The following CACNA2D1 variants were observed in gnomAD, a reference collection of about 807,000 sequenced individuals.
The protein encoded by CACNA2D1 is calcium voltage-gated channel auxiliary subunit alpha2delta 1, also known as voltage-dependent calcium channel subunit alpha-2/delta-1.
A neutral mutation model predicts 171.5 loss-of-function variants in CACNA2D1; 53 were observed. The ratio of observed to expected loss-of-function variants is 0.31; its 90% CI spans 0.25 to 0.39. The LOEUF (loss-of-function observed/expected upper bound fraction) is 0.39. Ranked by LOEUF, CACNA2D1 falls within the 10% of genes least tolerant of loss-of-function variation. CACNA2D1 has a pLI of 1.00. For synonymous variants in CACNA2D1, 442 were observed against 443.1 expected, an observed-to-expected ratio of 1.00 and a Z score of 0.03; for missense variants, 903 against 1,299.8, an observed-to-expected ratio of 0.69 and a Z score of 4.69.
intron 1 of CACNA2D1, among the ~76,000 whole-genome samples, chr7:82,386,305 T>C (rs1824365530): frequency 6.6e-6 from 1 of 152,174 alleles, no homozygotes; most frequent in African/African-American, 2.4e-5. Context: ...CACTTTTACA[T>C]AAAATACAAC....
intron 1 of CACNA2D1, among the ~76,000 whole-genome samples, chr7:82,353,780 C>T (rs1415174909): frequency 1.3e-5 from 2 of 151,964 alleles, no homozygotes; most frequent in Non-Finnish European, 2.9e-5. Context: ...AATCAGTGCT[C>T]CTTTTGGTTT....
intron 5 of CACNA2D1, among the ~76,000 whole-genome samples, chr7:82,126,786 C>T (rs1790377305): frequency 2.0e-5 from 3 of 152,184 alleles, no homozygotes; most frequent in African/African-American, 7.2e-5. Flanking sequence ...ACATTCCTTT[C>T]ATGCTATATA....
intron 3 of CACNA2D1, among the ~76,000 whole-genome samples, chr7:82,323,628 A>T (rs1816275435): frequency 6.6e-6 from 1 of 152,188 alleles, no homozygotes. Context: ...CCTCAAATTT[A>T]CATTTTGTAC....
chr7:82,053,822 G>C (rs1805499794), intron 10 of CACNA2D1, among the ~76,000 whole-genome samples: 1 of 152,100 alleles, frequency 6.6e-6, no homozygotes, highest in African/African-American at 2.4e-5. Context: ...ATACTTCCAG[G>C]TGAAATGTAT....
At position 82,143,220 on chromosome 7, in the gene CACNA2D1, C is replaced by A. The variant is rs78932164; in HGVS notation, c.355-6544G>T. ...AGAAAAAATAAAGATGGACACAAGACCATCTAGAGATAAGTGCTACCATAT... is the reference window on the plus strand; with the variant it reads ...AGAAAAAATAAAGATGGACACAAGAACATCTAGAGATAAGTGCTACCATAT... On this transcript the variant is annotated intron_variant, in intron 4 of 38. Coordinates refer to ENST00000356860, the MANE Select transcript of CACNA2D1 (RefSeq NM_000722.4). 5.1e-3 allele frequency among the ~76,000 whole-genome samples: 781 copies of A among 152,204 alleles called. 5 individuals are homozygous for A. Among genetic ancestry groups the A allele is most frequent in the African/African-American group, 0.018 (732 of 41,548 alleles).
rs567093576 is a variant in CACNA2D1 at position 82,125,762 on chromosome 7, A to C, written c.397-8589T>G. 5.3e-5 allele frequency among the ~76,000 whole-genome samples: 8 copies of C among 152,290 alleles called. No homozygotes were observed. In the East Asian group the frequency reaches 1.5e-3, roughly 29 times the overall value. On this transcript the variant is annotated intron_variant, in intron 5 of 38. Transcript: ENST00000356860. ...ATGAAACCTATAATGATATGAAAAC[A>C]ATCTTCCCCGTTTGTGTTTGCATTT... is the stretch of plus-strand genomic sequence containing the variant.
chr7:82,291,784 C>T (rs951782107), intron 3 of CACNA2D1, among the ~76,000 whole-genome samples: 3 of 150,396 alleles, frequency 2.0e-5, no homozygotes, highest in Non-Finnish European at 4.4e-5. Flanking sequence ...AGATTACAGG[C>T]GTGAGCCACT....
chr7:82,417,315 A>C (rs1343157490), intron 1 of CACNA2D1, among the ~76,000 whole-genome samples: 1 of 152,182 alleles, frequency 6.6e-6, no homozygotes, highest in Non-Finnish European at 1.5e-5. Flanking sequence ...CTCCAGGAAC[A>C]AGGGAAATTT....
chr7:81,978,955 A>G (rs1442547935), intron 24 of CACNA2D1, among the ~76,000 whole-genome samples: 1 of 151,146 alleles, frequency 6.6e-6, no homozygotes. Context: ...CACGTAAGTA[A>G]ATTTCGATCT....
chr7:82,399,972 A>C (rs1826182173), intron 1 of CACNA2D1, among the ~76,000 whole-genome samples: 1 of 152,110 alleles, frequency 6.6e-6, no homozygotes, highest in African/African-American at 2.4e-5. Context: ...AAGCTACTCC[A>C]TTAGGCATTA....
At chr7:82,022,786 G>A (rs1011677674) in intron 12 of CACNA2D1, among the ~76,000 whole-genome samples, 9 of 151,942 alleles carry the variant, frequency 5.9e-5, no homozygotes, top group African/African-American at 1.9e-4. Context: ...AAATAAGTAC[G>A]TTAAGAATAA....
At position 82,290,798 on chromosome 7, in the gene CACNA2D1, G is replaced by T. The variant is rs1403094282; in HGVS notation, c.294+44337C>A. ...TTTAGTAGAGATGGGGTTTCTCCATGTTGGTCAGGCTGGTCTCAAACTCCC... is the reference window on the plus strand; with the variant it reads ...TTTAGTAGAGATGGGGTTTCTCCATTTTGGTCAGGCTGGTCTCAAACTCCC... On this transcript the variant is annotated intron_variant, in intron 3 of 38. Transcript: ENST00000356860. Among the ~76,000 whole-genome samples the T allele has an allele frequency of 2.6e-5, 4 of 151,702 alleles. No individual in the cohort carries two copies. In the East Asian group the frequency reaches 7.8e-4, roughly 30 times the overall value.
At chr7:82,185,849 C>T (rs2129177976) in intron 3 of CACNA2D1, among the ~76,000 whole-genome samples, 1 of 151,964 alleles carries the variant, frequency 6.6e-6, no homozygotes, top group South Asian at 2.1e-4. Flanking sequence ...TACAGGCAAA[C>T]ACATTTGATT....
intron 3 of CACNA2D1, among the ~76,000 whole-genome samples, chr7:82,291,242 T>C (rs1370381331): frequency 7.2e-6 from 1 of 138,510 alleles, no homozygotes; most frequent in Admixed American, 7.5e-5. Context: ...ATATTCTATA[T>C]ATAATATATA....
intron 10 of CACNA2D1, among the ~76,000 whole-genome samples, chr7:82,056,021 A>AT (rs1401385067): frequency 4.8e-5 from 7 of 144,700 alleles, no homozygotes; most frequent in Non-Finnish European, 7.7e-5. Flanking sequence ...AAAAAAAAAA[A>AT]AAAAAAAAAA....
chr7:82,083,824 T>A (rs1189792077), intron 7 of CACNA2D1, among the ~76,000 whole-genome samples: 1 of 152,102 alleles, frequency 6.6e-6, no homozygotes. Flanking sequence ...CAATCCAAAC[T>A]TATATATTTT....
chr7:82,121,910 A>T (rs1479090523), intron 5 of CACNA2D1, among the ~76,000 whole-genome samples: 2 of 152,166 alleles, frequency 1.3e-5, no homozygotes, highest in African/African-American at 4.8e-5. Flanking sequence ...ATTCTTCAGA[A>T]GCAATTTATT....
intron 20 of CACNA2D1, among the ~76,000 whole-genome samples, chr7:81,992,133 G>T (rs369683843): frequency 6.6e-6 from 1 of 151,344 alleles, no homozygotes; most frequent in South Asian, 2.1e-4. Flanking sequence ...GTGAGCCACC[G>T]CTCTCAGCCG....
In CACNA2D1 at chr7:81,965,586, G is replaced by GTACA; in HGVS notation, c.2574+4_2574+7dup. The GTACA allele has an allele frequency of 6.9e-7, 1 of 1,456,848 alleles. No individual in the cohort carries two copies. The highest frequency in any genetic ancestry group is 1.1e-5 in the South Asian group (1 of 87,826). 90.2% of individuals were successfully genotyped at this position (1,456,848 alleles called of 1,614,324 possible). ...AAAGCCTAATTCCCTCTTATTTGAG[G>GTACA]TACATACCTGATTAGTATAATCATC... On this transcript the variant is annotated splice_region_variant and intron_variant, in intron 32 of 38. Transcript: ENST00000356860.
Sources: allele counts gnomAD v4.1 joint callset (sites outside exome capture counted in the v4.1 genomes callset), GRCh38; gene constraint gnomAD v4.1.1; transcripts MANE v1.5; gene names NCBI Gene and HGNC (gene_info 2026-07-23, HGNC 2026-07-21).